The following CSMD2 variants were observed in gnomAD, a reference collection of about 807,000 sequenced individuals.
The protein encoded by CSMD2 is CUB and Sushi multiple domains 2, also known as CUB and sushi domain-containing protein 2.
A neutral mutation model predicts 398.5 loss-of-function variants in CSMD2; 130 were observed. The ratio of observed to expected loss-of-function variants is 0.33; its 90% confidence interval spans 0.28 to 0.38. The LOEUF is 0.38. CSMD2 is among the 10% of genes least tolerant of loss of function. CSMD2 has a pLI of 1.00. For missense variants in CSMD2, 3,829 were observed against 4,764.9 expected (o/e 0.80, Z 5.78); for synonymous variants, 1,828 against 1,908.5 (o/e 0.96, Z 1.10).
At chr1:34,040,268 A>G (rs1651697405) in intron 2 of CSMD2, among the ~76,000 whole-genome samples, 1 of 152,210 alleles carries the variant, frequency 6.6e-6, no homozygotes, top group Non-Finnish European at 1.5e-5. Flanking sequence ...CAGTTTGCAT[A>G]TGAAAGGCAT....
At chr1:34,053,671 T>C (rs1416326700) in intron 2 of CSMD2, among the ~76,000 whole-genome samples, 1 of 152,208 alleles carries the variant, frequency 6.6e-6, no homozygotes, top group African/African-American at 2.4e-5. Context: ...CCAGGCATCC[T>C]CCGGCAAATC....
In CSMD2 at chr1:33,537,716, G is replaced by T; in HGVS notation, c.9632-107C>A. ...TTTGCACTGCTCCCTTCCTGGTTGA[G>T]CTTGAACTCTGGGAACCGGGGCAGC... On this transcript the variant is annotated intron_variant, in intron 60 of 70. Transcript: ENST00000373381. This position sits in a 1 kb window ranked among gnomAD's most constrained non-coding sequence, Gnocchi z 4.6. 8.0e-7 allele frequency: 1 copy of T among 1,245,812 alleles called. No homozygotes were observed. The highest frequency in any genetic ancestry group is 1.1e-6 in the Non-Finnish European group (1 of 924,254). 77.2% of individuals were successfully genotyped at this position (1,245,812 alleles called of 1,614,324 possible).
At chr1:33,789,765 T>G (rs79873190) in intron 11 of CSMD2, among the ~76,000 whole-genome samples, 3,443 of 152,274 alleles carry the variant, frequency 0.023, 118 homozygotes, top group African/African-American at 0.078. Flanking sequence ...CTGTGTGACA[T>G]CCCTGAGCCT....
At chr1:34,000,503 C>T (rs1044993256) in intron 3 of CSMD2, among the ~76,000 whole-genome samples, 4 of 152,198 alleles carry the variant, frequency 2.6e-5, no homozygotes, top group South Asian at 2.1e-4. Flanking sequence ...AAAACCATAC[C>T]GGCAATGCAG....
At chr1:34,046,055 A>T (rs1219683323) in intron 2 of CSMD2, among the ~76,000 whole-genome samples, 1 of 152,262 alleles carries the variant, frequency 6.6e-6, no homozygotes, top group Non-Finnish European at 1.5e-5. Context: ...TATCTGCTGG[A>T]CACACAAACT....
rs571882202 is a variant in CSMD2 at position 34,091,124 on chromosome 1, T to C, written c.188-1931A>G. On this transcript the variant is annotated intron_variant, in intron 1 of 70. Transcript: ENST00000373381. ...AACTTCTCCTTGGTGGTACTTATTA[T>C]AAAAGTAAATCTCCATGCTTCCAAG... 2.4e-3 allele frequency among the ~76,000 whole-genome samples: 370 copies of C among 152,268 alleles called. 3 individuals are homozygous for C. The Middle Eastern group carries it at 0.034, about 14-fold the overall frequency.
At chr1:34,115,741 A>G (rs958904994) in intron 1 of CSMD2, among the ~76,000 whole-genome samples, 3 of 152,148 alleles carry the variant, frequency 2.0e-5, no homozygotes, top group African/African-American at 7.2e-5. Context: ...TTAAAAGATG[A>G]AAGTATAAAA....
chr1:33,800,262 A>G (rs1247794878), intron 10 of CSMD2, among the ~76,000 whole-genome samples: 1 of 152,198 alleles, frequency 6.6e-6, no homozygotes, highest in Non-Finnish European at 1.5e-5. Flanking sequence ...CTGAGGCCCT[A>G]GGGAAGAGCT....
intron 44 of CSMD2, chr1:33,592,604 T>C: frequency 1.5e-6 from 1 of 678,970 alleles, no homozygotes; most frequent in Non-Finnish European, 2.7e-6. Flanking sequence ...AAACTACCTA[T>C]CACTAAGTGG....
intron 3 of CSMD2, among the ~76,000 whole-genome samples, chr1:33,951,480 T>G (rs1175165077): frequency 6.6e-6 from 1 of 152,182 alleles, no homozygotes. Flanking sequence ...AAATGACCTT[T>G]AAGGATAGGC....
At chr1:33,857,560 G>C (rs1214280553) in intron 5 of CSMD2, among the ~76,000 whole-genome samples, 2 of 152,082 alleles carry the variant, frequency 1.3e-5, no homozygotes, top group African/African-American at 4.8e-5. Flanking sequence ...TGCAAATGGC[G>C]GCTGCTTGAG....
chr1:33,844,164 G>A (rs912476737), intron 6 of CSMD2, among the ~76,000 whole-genome samples: 14 of 152,210 alleles, frequency 9.2e-5, no homozygotes, highest in African/African-American at 3.4e-4. Flanking sequence ...GCTTAGCTTG[G>A]TCTTTCCTGG....
chr1:34,080,127 C>CAA (rs201150922), intron 2 of CSMD2, among the ~76,000 whole-genome samples: 52 of 76,664 alleles, frequency 6.8e-4, no homozygotes, highest in African/African-American at 1.8e-3. Context: ...GAATGTAAAG[C>CAA]AAAAAAAAAA....
In CSMD2 at chr1:33,835,680, AAACAAAAC is replaced by A; in HGVS notation, c.1034-9914_1034-9907del. On this transcript the variant is annotated intron_variant, in intron 6 of 70. Transcript: ENST00000373381. ...TAATAAAATAAATTAAAACAAAACA[AAACAAAAC>A]AAAAAAAACAAACAAAAATACATTT... Among the ~76,000 whole-genome samples, 21 of 64,246 alleles carry A rather than the reference AAACAAAAC, an allele frequency of 3.3e-4. 1 individual carries two copies. In the Admixed American group the frequency reaches 3.8e-3, roughly 12 times the overall value. The allele number at this position is 64,246 out of a possible 152,430, so 42.1% of individuals were successfully genotyped here. A position where few individuals can be genotyped will look rare whatever the true frequency, so the allele number is the denominator to read the frequency against.
chr1:33,620,642 G>A (rs1186922715), intron 37 of CSMD2, among the ~76,000 whole-genome samples: 2 of 151,998 alleles, frequency 1.3e-5, no homozygotes, highest in Non-Finnish European at 2.9e-5. Flanking sequence ...AAACTGGAGA[G>A]AACAGAGAAG....
At chr1:34,114,934 G>A (rs548836523) in intron 1 of CSMD2, among the ~76,000 whole-genome samples, 1 of 152,104 alleles carries the variant, frequency 6.6e-6, no homozygotes, top group East Asian at 1.9e-4. Flanking sequence ...AAATTCTAGA[G>A]CTGAAGACTA....
chr1:33,661,276 T>C (rs1644123418), intron 26 of CSMD2, among the ~76,000 whole-genome samples: 1 of 152,224 alleles, frequency 6.6e-6, no homozygotes, highest in Non-Finnish European at 1.5e-5. Flanking sequence ...ATAATACTTC[T>C]TTCCCCAGAG....
intron 5 of CSMD2, among the ~76,000 whole-genome samples, chr1:33,874,982 A>G (rs1640737956): frequency 6.6e-6 from 1 of 152,144 alleles, no homozygotes; most frequent in South Asian, 2.1e-4. Context: ...AGCCCTGGCA[A>G]GTGGGTGAGG....
rs753174399 is a variant in CSMD2, at chr1:33,605,334, C to A, written c.6480G>T (p.Thr2160=). The A allele has an allele frequency of 6.2e-7, 1 of 1,614,170 alleles. No homozygotes were observed. The highest frequency in any genetic ancestry group is 1.3e-5 in the African/African-American group (1 of 75,042). ...AGTTCCGGTTGGTGCCATGTTGACA[C>A]GTGAGGACAGGGTGGCCAGTCAATT... ...GYQLTGHPVL[T]CQHGTNRNWD... Residue 2160 remains threonine, a synonymous_variant, in exon 42 of 71, where the codon ACG becomes ACT. Coordinates refer to ENST00000373381, the MANE Select transcript of CSMD2 (RefSeq NM_001281956.2).
Sources: allele counts gnomAD v4.1 joint callset (sites outside exome capture counted in the v4.1 genomes callset), GRCh38; gene constraint gnomAD v4.1.1; non-coding constraint Gnocchi (gnomAD v3.1); transcripts MANE v1.5; gene names NCBI Gene and HGNC (gene_info 2026-07-23, HGNC 2026-07-21).